The following AGBL1 variants were observed in gnomAD, a reference collection of about 807,000 sequenced individuals.
AGBL1 encodes the protein cytosolic carboxypeptidase 4.
Under a neutral mutation model 118.9 loss-of-function variants are expected in AGBL1, and 130 were observed. The observed-to-expected ratio is 1.09, with a 90% CI of 0.95 to 1.26. The LOEUF is 1.26. Ranked by LOEUF, AGBL1 falls within the 50% of genes most tolerant of loss-of-function variation. The pLI is 0.00. For synonymous variants in AGBL1, 555 were observed against 478.9 expected, an observed-to-expected ratio of 1.16 and a Z score of -2.08; for missense variants, 1,584 against 1,298.1, an observed-to-expected ratio of 1.22 and a Z score of -3.38.
At chr15:86,198,057 A>G (rs77453491) in intron 5 of AGBL1, among the ~76,000 whole-genome samples, 1,869 of 152,234 alleles carry the variant, frequency 0.012, 21 homozygotes, top group East Asian at 0.059. Flanking sequence ...TTGGGGCAGG[A>G]TCTCTAACTG....
At chr15:86,305,762 C>T (rs1487821762) in intron 17 of AGBL1, among the ~76,000 whole-genome samples, 2 of 152,070 alleles carry the variant, frequency 1.3e-5, no homozygotes, top group African/African-American at 4.8e-5. Context: ...TACATATGTA[C>T]AGAGCCTTGA....
intron 22 of AGBL1, among the ~76,000 whole-genome samples, chr15:86,717,082 ATTAG>A (rs1354407855): frequency 6.6e-6 from 1 of 152,328 alleles, no homozygotes; most frequent in East Asian, 1.9e-4. Flanking sequence ...AATATTAACT[ATTAG>A]TTAAAGCAAG....
At chr15:86,114,579 C>T (rs1897639011) in intron 1 of AGBL1, among the ~76,000 whole-genome samples, 1 of 152,174 alleles carries the variant, frequency 6.6e-6, no homozygotes. Context: ...AAGATTTTAA[C>T]CTCTAAAACA....
intron 17 of AGBL1, among the ~76,000 whole-genome samples, chr15:86,297,405 C>T (rs35375099): frequency 6.6e-6 from 1 of 152,152 alleles, no homozygotes; most frequent in Non-Finnish European, 1.5e-5. Flanking sequence ...CAGAGCTCTC[C>T]TGCTTAGAAG....
At chr15:86,804,962 G>A (rs950553256) in intron 22 of AGBL1, among the ~76,000 whole-genome samples, 4 of 152,104 alleles carry the variant, frequency 2.6e-5, no homozygotes, top group Non-Finnish European at 2.9e-5. Flanking sequence ...TAAGGGAGAT[G>A]CTGTTTAGAC....
At chr15:86,271,810 C>A in intron 15 of AGBL1, 104 bp downstream of exon 15, 2 of 1,137,022 alleles carry the variant, frequency 1.8e-6, no homozygotes, top group Non-Finnish European at 2.6e-6. Context: ...CTGTGCTTGT[C>A]TGCTAAACTT....
intron 21 of AGBL1, among the ~76,000 whole-genome samples, chr15:86,576,984 C>A (rs1238525453): frequency 6.6e-6 from 1 of 152,120 alleles, no homozygotes; most frequent in African/African-American, 2.4e-5. Flanking sequence ...TGAAATTGTA[C>A]AGTAGATTGG....
intron 19 of AGBL1, among the ~76,000 whole-genome samples, chr15:86,544,666 G>A (rs1268935237): frequency 2.0e-5 from 3 of 152,114 alleles, no homozygotes; most frequent in Non-Finnish European, 4.4e-5. Context: ...CAGGAGAACA[G>A]CATGGCAAAG....
intron 22 of AGBL1, among the ~76,000 whole-genome samples, chr15:86,902,100 A>G (rs187928103): frequency 1.3e-5 from 2 of 152,268 alleles, no homozygotes; most frequent in Admixed American, 6.5e-5. Context: ...CAGTGTGGAC[A>G]TAAGTTTTTA....
At chr15:86,529,761 C>G (rs1329431859) in intron 19 of AGBL1, among the ~76,000 whole-genome samples, 22 of 151,916 alleles carry the variant, frequency 1.4e-4, no homozygotes, top group Admixed American at 1.4e-3. Flanking sequence ...GCGGATCTCT[C>G]GGCAGAAACC....
At chr15:86,428,654 A>C (rs2081896063) in intron 18 of AGBL1, among the ~76,000 whole-genome samples, 1 of 152,210 alleles carries the variant, frequency 6.6e-6, no homozygotes, top group African/African-American at 2.4e-5. Context: ...GACTAGAATT[A>C]AGGACTCATA....
At chr15:86,565,501 C>G (rs1395048835) in intron 21 of AGBL1, among the ~76,000 whole-genome samples, 3 of 152,230 alleles carry the variant, frequency 2.0e-5, no homozygotes, top group African/African-American at 4.8e-5. Context: ...AGCTTTGTCT[C>G]AGAGGGGTAC....
At chr15:86,217,566 A>G (rs979388721) in intron 5 of AGBL1, among the ~76,000 whole-genome samples, 1 of 152,216 alleles carries the variant, frequency 6.6e-6, no homozygotes, top group Non-Finnish European at 1.5e-5. Flanking sequence ...ACAGAGGACT[A>G]GGGGTCAAGG....
intron 22 of AGBL1, among the ~76,000 whole-genome samples, chr15:86,872,499 T>A (rs1164060891): frequency 6.6e-6 from 1 of 152,178 alleles, no homozygotes; most frequent in East Asian, 1.9e-4. Context: ...CCCACACCTG[T>A]AATCCCAGCA....
intron 17 of AGBL1, among the ~76,000 whole-genome samples, chr15:86,342,121 G>A (rs924440553): frequency 6.6e-6 from 1 of 152,230 alleles, no homozygotes; most frequent in Non-Finnish European, 1.5e-5. Context: ...TGCTCTGTAT[G>A]TTTCTCCGCT....
At chr15:86,090,004 C>T (rs1025585644) in intron 1 of AGBL1, among the ~76,000 whole-genome samples, 16 of 152,102 alleles carry the variant, frequency 1.1e-4, no homozygotes, top group African/African-American at 3.9e-4. Context: ...GTCAGGAACC[C>T]CTCACATTTG....
chr15:86,593,140 T>G (rs1009334753), intron 21 of AGBL1, among the ~76,000 whole-genome samples: 1 of 152,156 alleles, frequency 6.6e-6, no homozygotes, highest in Non-Finnish European at 1.5e-5. Flanking sequence ...CCCAGTGTGG[T>G]CACAGGGAGG....
intron 18 of AGBL1, among the ~76,000 whole-genome samples, chr15:86,483,878 G>C (rs1260392994): frequency 6.6e-6 from 1 of 152,118 alleles, no homozygotes; most frequent in African/African-American, 2.4e-5. Context: ...CTTGAATACT[G>C]TTATGATCTC....
intron 19 of AGBL1, among the ~76,000 whole-genome samples, chr15:86,535,328 C>T (rs2142228622): frequency 6.6e-6 from 1 of 152,298 alleles, no homozygotes; most frequent in Middle Eastern, 3.4e-3. Flanking sequence ...AGCCAAGAGG[C>T]TCATGGCCAA....
Sources: gnomAD v4.1 joint callset for allele counts (sites outside exome capture counted in the v4.1 genomes callset) on GRCh38, gnomAD v4.1.1 for gene constraint, MANE v1.5 for transcripts, NCBI Gene and HGNC (gene_info 2026-07-23, HGNC 2026-07-21) for gene names.